The following ITPR1 variants were observed in gnomAD, a reference collection of about 807,000 sequenced individuals.
ITPR1 encodes the protein inositol 1,4,5-trisphosphate receptor type 1.
ITPR1 carries 96 observed loss-of-function variants against 318.4 expected under a neutral mutation model. The observed-to-expected ratio is 0.30, with a 90% confidence interval of 0.26 to 0.36. The LOEUF (loss-of-function observed/expected upper bound fraction) is 0.36, where lower values mean the gene tolerates loss of function less well. ITPR1 is among the 10% of genes least tolerant of loss of function. The pLI, the probability that ITPR1 is intolerant of heterozygous loss-of-function variation, is 1.00. For synonymous variants in ITPR1, 1,312 were observed against 1,289.9 expected, an observed-to-expected ratio of 1.02 and a Z score of -0.37; for missense variants, 2,440 against 3,460.2, an observed-to-expected ratio of 0.71 and a Z score of 7.40.
chr3:4,706,070 T>TG, intron 36 of ITPR1, 97 bp from the exon 37 acceptor site: 1 of 1,336,564 alleles, frequency 7.5e-7, no homozygotes, highest in Non-Finnish European at 1.0e-6. Flanking sequence ...ATTCTGGGTG[T>TG]GAAAAACCTG....
At chr3:4,744,894 CTCCCTCCTTCCTTCCTTCCT>C (rs2043968288) in intron 44 of ITPR1, among the ~76,000 whole-genome samples, 2 of 112,376 alleles carry the variant, frequency 1.8e-5, no homozygotes, top group African/African-American at 7.3e-5. Context: ...CTCTGTCTCC[CTCCCTCCTTCCTTCCTTCCT>C]TCCTTCCTTC....
intron 46 of ITPR1, 121 bp downstream of exon 46, chr3:4,768,885 G>C: frequency 1.1e-6 from 1 of 950,990 alleles, no homozygotes; most frequent in Non-Finnish European, 1.6e-6. Flanking sequence ...ATCCAGCAAG[G>C]TTCTTTTTTT....
intron 10 of ITPR1, among the ~76,000 whole-genome samples, chr3:4,646,987 G>A (rs545487817): frequency 8.6e-5 from 13 of 152,032 alleles, no homozygotes; most frequent in South Asian, 6.2e-4. Context: ...GAATTTTTAC[G>A]TATACGTTCA....
At chr3:4,645,851 C>T (rs756132482) in intron 10 of ITPR1, 123 bp downstream of exon 10, 4 of 846,020 alleles carry the variant, frequency 4.7e-6, no homozygotes, top group Non-Finnish European at 7.5e-6. Flanking sequence ...TATACACCCA[C>T]ATACACACAC....
intron 41 of ITPR1, among the ~76,000 whole-genome samples, chr3:4,726,685 A>G (rs1236189298): frequency 6.6e-6 from 1 of 152,144 alleles, no homozygotes; most frequent in African/African-American, 2.4e-5. Flanking sequence ...GGGTGGGGAA[A>G]GCCGTGGTCC....
At chr3:4,709,779 C>G (rs1486441725) in intron 37 of ITPR1, among the ~76,000 whole-genome samples, 2 of 152,170 alleles carry the variant, frequency 1.3e-5, no homozygotes, top group Admixed American at 6.5e-5. Flanking sequence ...TTGGTGTCCT[C>G]ATGTTTGTAT....
chr3:4,530,044 A>C (rs940372611), intron 4 of ITPR1, among the ~76,000 whole-genome samples: 1 of 152,192 alleles, frequency 6.6e-6, no homozygotes, highest in Non-Finnish European at 1.5e-5. Flanking sequence ...TGGCCTTGAA[A>C]TATTCTTTGA....
intron 10 of ITPR1, among the ~76,000 whole-genome samples, chr3:4,648,689 A>G (rs1029364997): frequency 6.6e-6 from 1 of 152,158 alleles, no homozygotes; most frequent in African/African-American, 2.4e-5. Context: ...ACATGTCTAT[A>G]ATCCCAGCTA....
chr3:4,504,685 G>A (rs559851932), intron 2 of ITPR1, among the ~76,000 whole-genome samples: 3 of 152,248 alleles, frequency 2.0e-5, no homozygotes, highest in Admixed American at 1.3e-4. Flanking sequence ...AGATGATATC[G>A]CCAAGCATCT....
chr3:4,652,001 T>C (rs1394314005), intron 10 of ITPR1, 122 bp from the exon 11 acceptor site: 1 of 762,654 alleles, frequency 1.3e-6, no homozygotes, highest in Non-Finnish European at 2.3e-6. Flanking sequence ...TTGTTGAAGA[T>C]GCTGATTTTC....
chr3:4,692,599 C>G (rs1268069509), intron 32 of ITPR1, among the ~76,000 whole-genome samples: 7 of 152,142 alleles, frequency 4.6e-5, no homozygotes, highest in African/African-American at 9.7e-5. Flanking sequence ...TCTGTGCCAG[C>G]CCTTTCTGGG....
chr3:4,532,102 T>C (rs1405906933), intron 4 of ITPR1, among the ~76,000 whole-genome samples: 2 of 152,248 alleles, frequency 1.3e-5, no homozygotes, highest in Non-Finnish European at 2.9e-5. Flanking sequence ...GTTTTGACTT[T>C]TAACTTGATG....
intron 4 of ITPR1, among the ~76,000 whole-genome samples, chr3:4,556,190 A>G (rs1187317035): frequency 6.6e-6 from 1 of 152,042 alleles, no homozygotes. Context: ...CCCTTCCCCT[A>G]CTCCACAGCC....
At chr3:4,761,586 T>C (rs138228213) in intron 44 of ITPR1, among the ~76,000 whole-genome samples, 98 of 152,344 alleles carry the variant, frequency 6.4e-4, no homozygotes, top group African/African-American at 2.3e-3. Flanking sequence ...GCCAGGTTTA[T>C]GTTGAAGGGC....
chr3:4,742,721 G>C (rs1207687889), intron 44 of ITPR1, among the ~76,000 whole-genome samples: 7 of 152,132 alleles, frequency 4.6e-5, no homozygotes, highest in Middle Eastern at 3.2e-3. Flanking sequence ...AGCCTCCTGA[G>C]TAGCTGGGAC....
intron 51 of ITPR1, among the ~76,000 whole-genome samples, chr3:4,786,592 T>G (rs1161010398): frequency 6.6e-6 from 1 of 152,224 alleles, no homozygotes; most frequent in African/African-American, 2.4e-5. Flanking sequence ...GAAGAGAGAC[T>G]TGTGCCTCTA....
chr3:4,604,541 G>T (rs1399071640), intron 4 of ITPR1, among the ~76,000 whole-genome samples: 1 of 152,166 alleles, frequency 6.6e-6, no homozygotes, highest in African/African-American at 2.4e-5. Flanking sequence ...CTATCTGGCT[G>T]CAATGACAAG....
At position 4,795,177 on chromosome 3, in the gene ITPR1, A is replaced by G; in HGVS notation, c.6921A>G (p.Gly2307=). Residue 2307 remains glycine, a synonymous_variant, in exon 53 of 62, where the codon GGA becomes GGG. Transcript: ENST00000649015. ...TGGCGTTTTTCTACCCGTTTAAGGG[A>G]GTCCGAGGAGGTACCCATATCTTTA... The part of the protein sequence containing the change: ...LLVAFFYPFK[G]VRGGTLEPHW... The G allele has an allele frequency of 6.2e-7, 1 of 1,612,464 alleles. No homozygotes were observed. The highest frequency in any genetic ancestry group is 1.1e-5 in the South Asian group (1 of 90,696).
chr3:4,699,825 A>C lies in ITPR1; in HGVS notation c.4420A>C (p.Thr1474Pro). 1.2e-6 allele frequency: 2 copies of C among 1,613,876 alleles called. No homozygotes were observed. Among genetic ancestry groups the C allele is most frequent in the Non-Finnish European group, 1.7e-6 (2 of 1,179,798 alleles). Residue 1474 changes from threonine (T) to proline (P), a missense_variant, in exon 35 of 62, where the codon ACT (threonine) becomes CCT (proline). Transcript: ENST00000649015. ...ACTTGTCTTCCAGGCCTGTAACAAC[A>C]CTAGTGACAGGAAACATGCAGACTC... ...LVDICRACNN[T>P]SDRKHADSIL...
Sources: gnomAD v4.1 joint callset for allele counts (sites outside exome capture counted in the v4.1 genomes callset) on GRCh38, gnomAD v4.1.1 for gene constraint, MANE v1.5 for transcripts, NCBI Gene and HGNC (gene_info 2026-07-23, HGNC 2026-07-21) for gene names.